The following NUSAP1 variants were observed in gnomAD, a reference collection of about 807,000 sequenced individuals.
NUSAP1 encodes the protein nucleolar and spindle associated protein 1, also known as nucleolar and spindle-associated protein 1.
NUSAP1 carries 32 observed loss-of-function variants against 52.8 expected under a neutral mutation model. That is an observed-to-expected ratio of 0.61 (90% CI 0.46 to 0.81). The LOEUF is 0.81. Among genes scored for constraint, NUSAP1 ranks in the 40% least tolerant of loss-of-function variants. NUSAP1 has a pLI of 0.00. For missense variants in NUSAP1, 499 were observed against 522.3 expected (o/e 0.96, Z 0.43); for synonymous variants, 195 against 183.1 (o/e 1.06, Z -0.52).
intron 1 of NUSAP1, among the ~76,000 whole-genome samples, chr15:41,340,143 C>T (rs533458715): frequency 2.6e-5 from 4 of 152,250 alleles, no homozygotes; most frequent in Middle Eastern, 3.4e-3. Flanking sequence ...CTCTGATCTC[C>T]CTGCCCTCCA....
At chr15:41,371,402 CT>C in intron 7 of NUSAP1, 124 bp from the exon 8 acceptor site, 1 of 712,268 alleles carries the variant, frequency 1.4e-6, no homozygotes, top group Non-Finnish European at 2.2e-6. Flanking sequence ...AGGTTCGTTC[CT>C]ATGACAATTA....
intron 7 of NUSAP1, among the ~76,000 whole-genome samples, chr15:41,368,469 G>A (rs879503251): frequency 3.3e-5 from 5 of 152,026 alleles, no homozygotes; most frequent in Non-Finnish European, 4.4e-5. Context: ...TACCAATATC[G>A]TAACCTAGTG....
intron 7 of NUSAP1, among the ~76,000 whole-genome samples, chr15:41,366,274 CT>C (rs1567066711): frequency 6.7e-6 from 1 of 148,468 alleles, no homozygotes; most frequent in South Asian, 2.1e-4. Flanking sequence ...CCCAACCTTT[CT>C]TTTTTTTTCT....
chr15:41,353,547 G>T, intron 4 of NUSAP1, among the ~76,000 whole-genome samples: 1 of 152,238 alleles, frequency 6.6e-6, no homozygotes, highest in East Asian at 1.9e-4. Context: ...CCTCTGCCTT[G>T]TTTTACGGAT....
intron 6 of NUSAP1, among the ~76,000 whole-genome samples, chr15:41,363,022 C>T (rs1258360829): frequency 6.6e-6 from 1 of 151,904 alleles, no homozygotes; most frequent in Admixed American, 6.6e-5. Flanking sequence ...CACAGTGGCT[C>T]ACGCCTGTAA....
At position 41,380,871 on chromosome 15, in the gene NUSAP1, G is replaced by C. The variant is rs1441765899; in HGVS notation, c.*685G>C. On this transcript the variant is annotated 3_prime_UTR_variant, in exon 11 of 11. Coordinates refer to ENST00000559596, the MANE Select transcript of NUSAP1 (RefSeq NM_016359.5). Reference sequence around the variant, plus strand: ...TAATGCTTTAATGCTTTTAGAGACAGGGTCTCACTGTGTTGCCCAGGCTGG... The same window carrying C: ...TAATGCTTTAATGCTTTTAGAGACACGGTCTCACTGTGTTGCCCAGGCTGG... The C allele has an allele frequency of 6.6e-6, 1 of 152,172 alleles. No individual in the cohort carries two copies. 9.4% of individuals were successfully genotyped at this position (152,172 alleles called of 1,614,324 possible).
At chr15:41,340,703 C>A (rs1175661295) in intron 1 of NUSAP1, among the ~76,000 whole-genome samples, 1 of 152,112 alleles carries the variant, frequency 6.6e-6, no homozygotes, top group Admixed American at 6.6e-5. Context: ...ATCAAGAATG[C>A]CTGAATTCTG....
chr15:41,364,549 T>TA (rs899879866), intron 6 of NUSAP1, among the ~76,000 whole-genome samples: 34 of 150,422 alleles, frequency 2.3e-4, no homozygotes, highest in Non-Finnish European at 3.7e-4. Flanking sequence ...CCGTCTCATT[T>TA]AAAAAAAAAG....
At chr15:41,364,401 T>G (rs937193879) in intron 6 of NUSAP1, among the ~76,000 whole-genome samples, 1 of 148,634 alleles carries the variant, frequency 6.7e-6, no homozygotes, top group African/African-American at 2.5e-5. Flanking sequence ...CAAAAATTAG[T>G]CGAGTGTGGT....
intron 7 of NUSAP1, 37 bp downstream of exon 7, chr15:41,365,626 A>T: frequency 6.6e-7 from 1 of 1,523,240 alleles, no homozygotes; most frequent in South Asian, 1.2e-5. Context: ...CATGAACAAG[A>T]TTTCACATGG....
intron 1 of NUSAP1, among the ~76,000 whole-genome samples, chr15:41,338,415 A>T (rs1411550686): frequency 6.6e-6 from 1 of 152,048 alleles, no homozygotes; most frequent in African/African-American, 2.4e-5. Context: ...CCCAGTTTGG[A>T]TCACCCTGGA....
At chr15:41,379,836 C>T (rs573807706) in intron 10 of NUSAP1, among the ~76,000 whole-genome samples, 10 of 152,272 alleles carry the variant, frequency 6.6e-5, no homozygotes, top group Middle Eastern at 3.4e-3. Context: ...CATGAGCCAT[C>T]GCGCCCCGGC....
chr15:41,374,916 A>G (rs1371783286), intron 8 of NUSAP1, among the ~76,000 whole-genome samples: 2 of 149,786 alleles, frequency 1.3e-5, no homozygotes, highest in Non-Finnish European at 3.0e-5. Flanking sequence ...ATCTTGGCTC[A>G]CTGCAAGCTC....
intron 1 of NUSAP1, among the ~76,000 whole-genome samples, chr15:41,334,090 A>G (rs931445305): frequency 4.0e-5 from 6 of 149,548 alleles, no homozygotes; most frequent in African/African-American, 7.6e-5. Context: ...GCTTAAATCA[A>G]TCGTCACAAT....
chr15:41,356,358 T>TC (rs2048971324), intron 5 of NUSAP1, among the ~76,000 whole-genome samples: 2 of 144,152 alleles, frequency 1.4e-5, no homozygotes, highest in Non-Finnish European at 3.0e-5. Context: ...TTCTTTCTTT[T>TC]TTTTTTTTTT....
rs952831668 is a variant in NUSAP1 at position 41,341,152 on chromosome 15, G to A, written c.94-1234G>A. The stretch of plus-strand genomic sequence containing the variant: ...ATCTCCTCGGCTCACTGCAACCTTC[G>A]CCTCCTGGGTTCAAGCAATTCTTCT... On this transcript the variant is annotated intron_variant, in intron 1 of 10. Transcript: ENST00000559596. 3.9e-5 allele frequency among the ~76,000 whole-genome samples: 6 copies of A among 152,158 alleles called. 1 individual carries two copies. Among genetic ancestry groups the A allele is most frequent in the Admixed American group, 3.3e-4 (5 of 15,270 alleles).
chr15:41,351,121 T>A lies in NUSAP1; in HGVS notation c.440T>A (p.Val147Asp), dbSNP rs376382140. 5.9e-5 allele frequency: 95 copies of A among 1,610,426 alleles called. No individual in the cohort carries two copies. Among genetic ancestry groups the A allele is most frequent in the Non-Finnish European group, 5.9e-6 (7 of 1,179,128 alleles). ...GAGCACCAAGAAGCTGAGAATGCTG[T>A]TTCCTCAGGTAAACGTGGAATAAAT... ...PDEHQEAENAVSSGNRDSKVP... is the reference protein window; with the variant it reads ...PDEHQEAENADSSGNRDSKVP... Residue 147 changes from valine to aspartate, a missense_variant, in exon 4 of 11, where the codon GTT (valine) becomes GAT (aspartate). By Grantham distance (152) the Val-to-Asp change is radical. Transcript: ENST00000559596.
intron 8 of NUSAP1, among the ~76,000 whole-genome samples, chr15:41,375,271 G>A (rs188984139): frequency 9.9e-4 from 150 of 150,880 alleles, no homozygotes; most frequent in Non-Finnish European, 1.5e-3. Context: ...TCCGCCTTCC[G>A]GGTTCAAGCA....
intron 8 of NUSAP1, among the ~76,000 whole-genome samples, chr15:41,371,929 C>T (rs768123004): frequency 2.3e-4 from 35 of 152,102 alleles, no homozygotes; most frequent in Non-Finnish European, 4.4e-4. Context: ...TGCCACCATG[C>T]CCGGCTAATT....
Sources: allele counts gnomAD v4.1 joint callset (sites outside exome capture counted in the v4.1 genomes callset), GRCh38; gene constraint gnomAD v4.1.1; transcripts MANE v1.5; gene names NCBI Gene and HGNC (gene_info 2026-07-23, HGNC 2026-07-21).